DCDC1: variants seen among roughly 807,000 people sequenced by gnomAD.
DCDC1 encodes doublecortin domain containing 1, also known as doublecortin domain-containing protein 1.
In DCDC1, 200 loss-of-function variants were observed where a neutral mutation model predicts 178.3. That is an observed-to-expected ratio of 1.12 (90% CI 1.00 to 1.26). The LOEUF is 1.26. DCDC1 is among the 50% of genes most tolerant of loss of function. The pLI is 0.00. For synonymous variants in DCDC1, 690 were observed against 604.8 expected, an observed-to-expected ratio of 1.14 and a Z score of -2.07; for missense variants, 1,983 against 1,749.2, an observed-to-expected ratio of 1.13 and a Z score of -2.38.
At chr11:31,314,833 T>C (rs559872444) in intron 3 of DCDC1, among the ~76,000 whole-genome samples, 80 of 152,298 alleles carry the variant, frequency 5.3e-4, no homozygotes, top group African/African-American at 1.9e-3. Context: ...AACTTAATCA[T>C]GATGGTGATA....
At chr11:30,996,962 T>C (rs570265713) in intron 20 of DCDC1, among the ~76,000 whole-genome samples, 1 of 152,118 alleles carries the variant, frequency 6.6e-6, no homozygotes, top group Non-Finnish European at 1.5e-5. Flanking sequence ...GTTGAACACA[T>C]AAATTTTGAT....
chr11:31,328,024 C>A, intron 3 of DCDC1, 93 bp downstream of exon 3: 1 of 1,281,598 alleles, frequency 7.8e-7, no homozygotes, highest in South Asian at 2.2e-5. Context: ...GCCACCTGGC[C>A]CGGCCAAGAC....
chr11:30,870,717 C>T (rs190549918), intron 38 of DCDC1, among the ~76,000 whole-genome samples: 83 of 152,300 alleles, frequency 5.4e-4, no homozygotes, highest in African/African-American at 1.9e-3. Context: ...AAATGGTATT[C>T]ATCCTGATAT....
At chr11:31,013,644 A>C (rs1952303547) in intron 20 of DCDC1, among the ~76,000 whole-genome samples, 1 of 152,214 alleles carries the variant, frequency 6.6e-6, no homozygotes, top group South Asian at 2.1e-4. Flanking sequence ...GTGGCAGGTC[A>C]ATATGGTTTT....
At chr11:31,353,380 G>C (rs1362488205) in intron 1 of DCDC1, among the ~76,000 whole-genome samples, 2 of 152,184 alleles carry the variant, frequency 1.3e-5, no homozygotes, top group Non-Finnish European at 2.9e-5. Flanking sequence ...TATTCAAAAA[G>C]TGAAATGTCC....
intron 20 of DCDC1, among the ~76,000 whole-genome samples, chr11:30,972,433 GT>G (rs1464145273): frequency 2.8e-4 from 42 of 152,166 alleles, no homozygotes; most frequent in African/African-American, 9.6e-4. Flanking sequence ...GAGAAAATTT[GT>G]TATCACTAGA....
At chr11:31,047,673 T>C (rs1339933994) in intron 20 of DCDC1, among the ~76,000 whole-genome samples, 1 of 152,192 alleles carries the variant, frequency 6.6e-6, no homozygotes, top group Non-Finnish European at 1.5e-5. Context: ...AGTTTGTCAC[T>C]ACTAAGTTAT....
chr11:30,958,583 T>C (rs1948902414), intron 20 of DCDC1, among the ~76,000 whole-genome samples: 1 of 152,106 alleles, frequency 6.6e-6, no homozygotes, highest in African/African-American at 2.4e-5. Flanking sequence ...GGTTGGGGTG[T>C]TATCCTAAGG....
chr11:31,170,302 G>C (rs545694940), intron 9 of DCDC1, among the ~76,000 whole-genome samples: 13 of 151,954 alleles, frequency 8.6e-5, no homozygotes, highest in African/African-American at 2.9e-4. Flanking sequence ...TCAGTAGACC[G>C]AAAAAAAGTT....
chr11:30,909,146 G>A (rs1188886021), intron 28 of DCDC1, 30 bp from the exon 29 acceptor site: 4 of 1,579,726 alleles, frequency 2.5e-6, no homozygotes, highest in East Asian at 2.3e-5. Flanking sequence ...ATGGAGTCAA[G>A]TGAGTTCATG....
intron 33 of DCDC1, among the ~76,000 whole-genome samples, 196 bp from the exon 34 acceptor site, chr11:30,899,838 AAAG>A (rs1399642344): frequency 2.0e-5 from 3 of 152,140 alleles, no homozygotes; most frequent in Admixed American, 6.5e-5. Flanking sequence ...GGGGTAAAAA[AAAG>A]AAGAACGATG....
intron 18 of DCDC1, among the ~76,000 whole-genome samples, chr11:31,066,481 TA>T (rs1186632483): frequency 6.6e-6 from 1 of 152,094 alleles, no homozygotes; most frequent in Non-Finnish European, 1.5e-5. Flanking sequence ...GCTAAAATTC[TA>T]AAAAACAAAA....
chr11:31,229,903 A>T (rs1975541855), intron 9 of DCDC1, among the ~76,000 whole-genome samples: 1 of 152,194 alleles, frequency 6.6e-6, no homozygotes, highest in South Asian at 2.1e-4. Flanking sequence ...AGTTAACATC[A>T]TATTCAACAG....
intron 6 of DCDC1, among the ~76,000 whole-genome samples, chr11:31,295,641 T>G (rs942250295): frequency 6.6e-6 from 1 of 152,166 alleles, no homozygotes; most frequent in Non-Finnish European, 1.5e-5. Flanking sequence ...CATTTCAGAC[T>G]GGGGGTAGAT....
chr11:30,998,165 A>T (rs1375968234), intron 20 of DCDC1, among the ~76,000 whole-genome samples: 4 of 152,020 alleles, frequency 2.6e-5, no homozygotes, highest in African/African-American at 9.7e-5. Context: ...TGTTGCATGC[A>T]ACTGTAGTCC....
chr11:30,915,881 ACTT>A (rs1324429412), intron 26 of DCDC1, among the ~76,000 whole-genome samples, 170 bp from the exon 27 acceptor site: 6 of 152,258 alleles, frequency 3.9e-5, no homozygotes, highest in Non-Finnish European at 5.9e-5. Flanking sequence ...CCAGCACTGC[ACTT>A]CTAAGCTGAC....
chr11:31,091,557 G>T (rs1227351999), intron 16 of DCDC1, 46 bp from the exon 17 acceptor site: 2 of 700,892 alleles, frequency 2.9e-6, no homozygotes, highest in African/African-American at 1.8e-5. Flanking sequence ...TAAGTTAAAA[G>T]AACCAGAAAA....
intron 2 of DCDC1, among the ~76,000 whole-genome samples, chr11:31,329,277 T>A (rs1043563834): frequency 1.3e-5 from 2 of 152,102 alleles, no homozygotes; most frequent in Admixed American, 6.5e-5. Context: ...AGATTCCTGA[T>A]GATGACATTT....
At chr11:31,198,915 A>G (rs1259902742) in intron 9 of DCDC1, among the ~76,000 whole-genome samples, 1 of 152,058 alleles carries the variant, frequency 6.6e-6, no homozygotes, top group Non-Finnish European at 1.5e-5. Context: ...TTTCTACAAA[A>G]GAAATGAGTG....
Sources: gnomAD v4.1 joint callset for allele counts (sites outside exome capture counted in the v4.1 genomes callset) on GRCh38, gnomAD v4.1.1 for gene constraint, MANE v1.5 for transcripts, NCBI Gene and HGNC (gene_info 2026-07-23, HGNC 2026-07-21) for gene names.